Variants in TANC2 observed in about 807,000 individuals in gnomAD.
TANC2 encodes protein TANC2.
Under a neutral mutation model 210.5 loss-of-function variants are expected in TANC2, and 26 were observed. That is an observed-to-expected ratio of 0.12 (90% CI 0.09 to 0.17). The LOEUF (loss-of-function observed/expected upper bound fraction) is 0.17. TANC2 is among the 10% of genes least tolerant of loss of function. The pLI is 1.00. For missense variants in TANC2, 2,129 were observed against 2,608.9 expected (o/e 0.82, Z 4.01); for synonymous variants, 931 against 967.1 (o/e 0.96, Z 0.69).
intron 5 of TANC2, among the ~76,000 whole-genome samples, chr17:63,181,675 A>G (rs2040789658): frequency 1.3e-5 from 2 of 152,214 alleles, no homozygotes; most frequent in Admixed American, 1.3e-4. Flanking sequence ...TCGGGTAATA[A>G]TATTGCCTCT....
At position 63,288,254 on chromosome 17, in the gene TANC2, T is replaced by C. The variant is rs1185466164; in HGVS notation, c.1159+20381T>C. On this transcript the variant is annotated intron_variant, in intron 9 of 27. Transcript: ENST00000689528. The stretch of plus-strand genomic sequence containing the variant: ...TCCTGGGATTCTCAGCTCCACCTCC[T>C]CAAGTAAGGGAATGTGTCAGATTCT... Among the ~76,000 whole-genome samples, 2 of 152,168 alleles carry C rather than the reference T, an allele frequency of 1.3e-5. 1 individual carries two copies. The highest frequency in any genetic ancestry group is 4.1e-4 in the South Asian group (2 of 4,820).
chr17:63,069,818 A>G (rs2036331643), intron 2 of TANC2, among the ~76,000 whole-genome samples: 1 of 152,074 alleles, frequency 6.6e-6, no homozygotes, highest in South Asian at 2.1e-4. Flanking sequence ...TGCTTTTTTC[A>G]TGAAAACTTC....
At chr17:63,009,859 A>T (rs775213411) in intron 2 of TANC2, among the ~76,000 whole-genome samples, 1 of 152,194 alleles carries the variant, frequency 6.6e-6, no homozygotes, top group Non-Finnish European at 1.5e-5. Context: ...TTTCTAATAT[A>T]TTAGAGAGTA....
chr17:63,103,805 C>A (rs2037722172), intron 4 of TANC2, among the ~76,000 whole-genome samples: 1 of 152,096 alleles, frequency 6.6e-6, no homozygotes, highest in Admixed American at 6.5e-5. Flanking sequence ...ATAATAATGA[C>A]AATAATTTTC....
At chr17:63,323,792 G>A (rs757932830) in intron 11 of TANC2, among the ~76,000 whole-genome samples, 7 of 152,084 alleles carry the variant, frequency 4.6e-5, no homozygotes, top group Non-Finnish European at 7.4e-5. Flanking sequence ...AATAAATAAC[G>A]AAGTGAGGAT....
intron 11 of TANC2, among the ~76,000 whole-genome samples, chr17:63,319,367 C>T (rs1387119370): frequency 5.3e-5 from 8 of 152,074 alleles, no homozygotes; most frequent in Non-Finnish European, 1.0e-4. Flanking sequence ...TGTTTTGAGA[C>T]GGAGTTTCTC....
At chr17:63,052,229 T>C (rs1205567183) in intron 2 of TANC2, among the ~76,000 whole-genome samples, 1 of 152,210 alleles carries the variant, frequency 6.6e-6, no homozygotes, top group Non-Finnish European at 1.5e-5. Context: ...TACATTTGTT[T>C]CTCACAACCA....
At chr17:62,985,182 A>G (rs1291084864) in intron 1 of TANC2, among the ~76,000 whole-genome samples, 1 of 152,130 alleles carries the variant, frequency 6.6e-6, no homozygotes, top group Non-Finnish European at 1.5e-5. Context: ...TATTTCTTTC[A>G]GTAATTTCAA....
At chr17:63,245,562 G>T (rs1482666684) in intron 8 of TANC2, among the ~76,000 whole-genome samples, 5 of 151,748 alleles carry the variant, frequency 3.3e-5, no homozygotes, top group Admixed American at 2.0e-4. Context: ...ACAAAAATTG[G>T]CCAGGTGCAG....
chr17:62,993,700 G>A (rs954328948), intron 1 of TANC2, among the ~76,000 whole-genome samples: 3 of 152,186 alleles, frequency 2.0e-5, no homozygotes, highest in Non-Finnish European at 4.4e-5. Context: ...GCTGAGGCAG[G>A]AGGATTGTTT....
At chr17:63,379,124 GC>G (rs2047521717) in intron 14 of TANC2, among the ~76,000 whole-genome samples, 1 of 152,206 alleles carries the variant, frequency 6.6e-6, no homozygotes, top group Non-Finnish European at 1.5e-5. Context: ...AATGAGAGTT[GC>G]TGACAGAGAC....
exon 18 of TANC2, chr17:63,395,875 A>G (rs774691299): frequency 1.9e-6 from 3 of 1,611,036 alleles, no homozygotes; most frequent in Non-Finnish European, 2.5e-6. Context: ...ATTTAAGAAG[A>G]GCCATGCCAT....
intron 9 of TANC2, among the ~76,000 whole-genome samples, chr17:63,293,788 A>G (rs2044451785): frequency 7.0e-6 from 1 of 142,362 alleles, no homozygotes; most frequent in African/African-American, 2.5e-5. Context: ...CCACCCACCC[A>G]GAGTGCAGTA....
intron 20 of TANC2, 110 bp from the exon 21 acceptor site, chr17:63,406,044 G>A: frequency 7.2e-7 from 1 of 1,388,640 alleles, no homozygotes; most frequent in Non-Finnish European, 9.8e-7. Context: ...AAAGATACAT[G>A]GGTGACTCGT....
intron 1 of TANC2, among the ~76,000 whole-genome samples, chr17:62,984,026 G>C (rs1474212262): frequency 6.6e-6 from 1 of 152,072 alleles, no homozygotes. Context: ...TTTTGGAATA[G>C]TTTGAGAACT....
At chr17:63,117,784 G>A (rs2038309252) in intron 4 of TANC2, among the ~76,000 whole-genome samples, 1 of 152,186 alleles carries the variant, frequency 6.6e-6, no homozygotes, top group East Asian at 1.9e-4. Flanking sequence ...GATGAGTAGA[G>A]TATTTGTTAC....
intron 4 of TANC2, among the ~76,000 whole-genome samples, chr17:63,130,461 A>G (rs1351036557): frequency 6.6e-6 from 1 of 152,018 alleles, no homozygotes; most frequent in African/African-American, 2.4e-5. Flanking sequence ...GCAGTGAGCC[A>G]AGATTGTACC....
chr17:63,012,653 G>GTTTTA (rs1301984218), intron 2 of TANC2, among the ~76,000 whole-genome samples: 42 of 151,982 alleles, frequency 2.8e-4, no homozygotes, highest in African/African-American at 9.9e-4. Context: ...CCTTTGTTTT[G>GTTTTA]TTTTATTTTA....
intron 2 of TANC2, among the ~76,000 whole-genome samples, chr17:63,028,817 C>G (rs2034656561): frequency 6.6e-6 from 1 of 151,768 alleles, no homozygotes; most frequent in South Asian, 2.1e-4. Context: ...ACTGAAATGT[C>G]TTTTATAAAA....
Sources: gnomAD v4.1 joint callset for allele counts (sites outside exome capture counted in the v4.1 genomes callset) on GRCh38, gnomAD v4.1.1 for gene constraint, MANE v1.5 for transcripts, NCBI Gene and HGNC (gene_info 2026-07-23, HGNC 2026-07-21) for gene names.